INTS11: variants seen among roughly 807,000 people sequenced by gnomAD.
INTS11 encodes integrator complex subunit 11, also known as CPSF3-like protein.
A neutral mutation model predicts 78.6 loss-of-function variants in INTS11; 77 were observed. The observed-to-expected ratio is 0.98, with a 90% confidence interval of 0.81 to 1.18. The LOEUF (loss-of-function observed/expected upper bound fraction) is 1.18, where lower values mean the gene tolerates loss of function less well. Ranked by LOEUF, INTS11 falls within the 50% of genes most tolerant of loss-of-function variation. The pLI, the probability that INTS11 is intolerant of heterozygous loss-of-function variation, is 0.00. For synonymous variants in INTS11, 441 were observed against 326.9 expected, an observed-to-expected ratio of 1.35 and a Z score of -3.77; for missense variants, 875 against 825.9, an observed-to-expected ratio of 1.06 and a Z score of -0.73.
rs759319376 is a variant in INTS11 at position 1,312,012 on chromosome 1, C to G, written c.1737+6G>C. The G allele has an allele frequency of 6.3e-7, 1 of 1,581,576 alleles. No homozygotes were observed. The highest frequency in any genetic ancestry group is 8.6e-7 in the Non-Finnish European group (1 of 1,164,236). On this transcript the variant is annotated splice_donor_region_variant and intron_variant, in intron 16 of 16. Transcript: ENST00000435064. ...TGACCGCGGTGGGGTGGGGGTCACC[C>G]CTTACCTGGTAGGTCCAGGAGACCA... is the stretch of plus-strand genomic sequence containing the variant.
Position 1,314,391 on chromosome 1 carries a change from C to A in INTS11, c.703-26G>T. 1 of 1,591,824 alleles carries A rather than the reference C, an allele frequency of 6.3e-7. No homozygotes were observed. The highest frequency in any genetic ancestry group is 8.6e-7 in the Non-Finnish European group (1 of 1,167,944). ...CTGAGGGGGACACAAGGCAGGAGCC[C>A]TGGGCACATGGCCCCTCGACACAGC... On this transcript the variant is annotated intron_variant, in intron 7 of 16. Coordinates refer to ENST00000435064, the MANE Select transcript of INTS11 (RefSeq NM_017871.6). This position sits in a 1 kb window ranked among gnomAD's most constrained non-coding sequence, Gnocchi z 4.2.
intron 10 of INTS11, 111 bp downstream of exon 10, chr1:1,313,398 G>T: frequency 2.4e-6 from 3 of 1,247,726 alleles, no homozygotes; most frequent in Non-Finnish European, 3.5e-6. Context: ...CAGCAGCCAC[G>T]TCCCTTGGCC....
At chr1:1,312,173 G>C (rs1286106876) in intron 15 of INTS11, 26 bp from the exon 16 acceptor site, 7 of 1,466,630 alleles carry the variant, frequency 4.8e-6, no homozygotes, top group East Asian at 4.7e-5. Context: ...GTGAGACCCT[G>C]CCTGGCCTCC....
At position 1,312,934 on chromosome 1, in the gene INTS11, G is replaced by A. The variant is rs1465619765; in HGVS notation, c.1147C>T (p.Gln383Ter). ...GCGCTGAATGACATGTACTCCACCT[G>A]CATCTTGACCTCCAGCTACAGAGGC... ...EGRQVLEVKM[Q>*]VEYMSFSAHA... The change falls in exon 12 of 17, where the codon CAG (glutamine) becomes TAG (stop). Residue 383 changes from glutamine to a stop codon, truncating the protein, a stop_gained. Transcript: ENST00000435064. LOFTEE classifies it high-confidence loss of function. The A allele has an allele frequency of 1.2e-6, 2 of 1,611,910 alleles. No individual in the cohort carries two copies. Among genetic ancestry groups the A allele is most frequent in the Middle Eastern group, 1.7e-4 (1 of 6,058 alleles).
Position 1,320,468 on chromosome 1 carries a change from C to G in INTS11, c.188G>C (p.Cys63Ser). Residue 63 changes from cysteine (C) to serine (S), a missense_variant, in exon 3 of 17, where the codon TGT becomes TCT. By Grantham distance (112) the Cys-to-Ser change is moderately radical. Coordinates refer to ENST00000435064, the MANE Select transcript of INTS11 (RefSeq NM_017871.6). ...AACAGGAACCCACCTAATGATCACACAGTCCAGGAAGTCTGTTAGGCGGCC... is the reference window on the plus strand; with the variant it reads ...AACAGGAACCCACCTAATGATCACAGAGTCCAGGAAGTCTGTTAGGCGGCC... ...QNGRLTDFLDCVIISHFHLDH... is the reference protein window; with the variant it reads ...QNGRLTDFLDSVIISHFHLDH... The G allele has an allele frequency of 6.2e-7, 1 of 1,613,898 alleles. No individual in the cohort carries two copies. The highest frequency in any genetic ancestry group is 8.5e-7 in the Non-Finnish European group (1 of 1,179,906).
chr1:1,320,166 A>G (rs1642859642), intron 3 of INTS11: 2 of 396,010 alleles, frequency 5.1e-6, no homozygotes, highest in South Asian at 2.8e-5. Context: ...AATCGCCAAC[A>G]AGACAGTGGG....
At chr1:1,319,215 A>C in intron 4 of INTS11, 81 bp downstream of exon 4, 1 of 1,255,218 alleles carries the variant, frequency 8.0e-7, no homozygotes, top group Admixed American at 1.7e-5. Context: ...AGCCTTCCAG[A>C]AACTGTGTAG....
intron 1 of INTS11, among the ~76,000 whole-genome samples, chr1:1,324,377 G>C (rs976528063): frequency 8.5e-5 from 13 of 152,136 alleles, no homozygotes; most frequent in African/African-American, 2.2e-4. Context: ...CTCGGGGCTC[G>C]CGTTCTCGCG....
Position 1,314,872 on chromosome 1 carries a change from C to G in INTS11, c.654G>C (p.Glu218Asp), listed in dbSNP as rs779132215. The change falls in exon 7 of 17, where the codon GAG becomes GAC. Residue 218 changes from glutamate to aspartate, a missense_variant. By Grantham distance (45) the Glu-to-Asp change is conservative (BLOSUM62 2). Transcript: ENST00000435064. This position sits in a 1 kb window ranked among gnomAD's most constrained non-coding sequence, Gnocchi z 4.2. The part of the protein sequence containing the change: ...TTIRDSKRCR[E>D]RDFLKKVHET... Reference sequence around the variant, plus strand: ...CGTGGACTTTCTTCAGGAAGTCTCGCTCCCGGCAGCGCTTGGAGTCACGGA... The same window carrying G: ...CGTGGACTTTCTTCAGGAAGTCTCGGTCCCGGCAGCGCTTGGAGTCACGGA... 6.2e-7 allele frequency: 1 copy of G among 1,613,046 alleles called. No individual in the cohort carries two copies. Among genetic ancestry groups the G allele is most frequent in the Non-Finnish European group, 8.5e-7 (1 of 1,179,920 alleles).
chr1:1,313,458 C>T (rs1355890837), intron 10 of INTS11, 51 bp downstream of exon 10: 4 of 1,596,842 alleles, frequency 2.5e-6, no homozygotes, highest in Admixed American at 1.7e-5. Flanking sequence ...GGTGGAAGGA[C>T]AACCCGTCGG....
intron 4 of INTS11, chr1:1,319,088 C>A: frequency 1.4e-6 from 1 of 733,920 alleles, no homozygotes; most frequent in Non-Finnish European, 2.5e-6. Flanking sequence ...CCTGCACGTG[C>A]TCTCCCGGGT....
At chr1:1,315,484 A>G in intron 5 of INTS11, 36 bp downstream of exon 5, 1 of 1,612,368 alleles carries the variant, frequency 6.2e-7, no homozygotes, top group African/African-American at 1.3e-5. Context: ...CTCCCACCCC[A>G]GCAGCCCCTC....
chr1:1,313,495 C>T lies in INTS11; in HGVS notation c.1041+14G>A, dbSNP rs1330667082. 1 of 1,612,734 alleles carries T rather than the reference C, an allele frequency of 6.2e-7. No individual in the cohort carries two copies. Among genetic ancestry groups the T allele is most frequent in the African/African-American group, 1.3e-5 (1 of 74,946 alleles). On this transcript the variant is annotated intron_variant, in intron 10 of 16. Coordinates refer to ENST00000435064, the MANE Select transcript of INTS11 (RefSeq NM_017871.6). ...CTCCAGCTTCCAGATTCCCACACCT[C>T]ACCATGCCCTCACCATGTTCTTTTC...
At position 1,314,260 on chromosome 1, in the gene INTS11, G is replaced by A. The variant is rs558498490; in HGVS notation, c.767+41C>T. On this transcript the variant is annotated intron_variant, in intron 8 of 16. Transcript: ENST00000435064. This position sits in a 1 kb window ranked among gnomAD's most constrained non-coding sequence, Gnocchi z 4.2. ...CCACCAACTGGACTGTGTTCAGGCC[G>A]GGCCAGGGGCTCCTTAAAGAGCCGT... is the stretch of plus-strand genomic sequence containing the variant. 6.7e-5 allele frequency: 103 copies of A among 1,538,972 alleles called. No individual in the cohort carries two copies. The highest frequency in any genetic ancestry group is 1.7e-4 in the Middle Eastern group (1 of 5,994).
chr1:1,319,464 G>A lies in INTS11; in HGVS notation c.261C>T (p.Asp87=), dbSNP rs201204294. Residue 87 remains aspartate (D), a synonymous_variant, in exon 4 of 17, where the codon GAC becomes GAT. Transcript: ENST00000435064. ...TGGGGTGAGTCATGTAGATGGGCCC[G>A]TCGTAGCCCACCATCTCGCTGAAGT... ...LPYFSEMVGY[D]GPIYMTHPTQ... is the part of the protein sequence containing the mutation. The A allele has an allele frequency of 2.1e-5, 33 of 1,609,192 alleles. No homozygotes were observed. Among genetic ancestry groups the A allele is most frequent in the South Asian group, 4.4e-5 (4 of 90,900 alleles).
intron 1 of INTS11, 34 bp from the exon 2 acceptor site, chr1:1,321,127 G>GCC: frequency 6.6e-7 from 1 of 1,520,978 alleles, no homozygotes; most frequent in Non-Finnish European, 9.0e-7. Context: ...TCACTGCTGC[G>GCC]CCCCCCGCCC....
In INTS11 at chr1:1,319,401, G is replaced by A. The variant is rs777095043; in HGVS notation, c.324C>T (p.Arg108=). Residue 108 remains arginine, a synonymous_variant, in exon 4 of 17, where the codon CGC becomes CGT. Coordinates refer to ENST00000435064, the MANE Select transcript of INTS11 (RefSeq NM_017871.6). ...AICPILLEDY[R]KIAVDKKGEA... is the part of the protein sequence containing the mutation. ...CGCCCTTCTTGTCTACGGCGATCTT[G>A]CGGTAGTCCTCCAGCAAGATGGGGC... 2 of 1,613,408 alleles carry A rather than the reference G, an allele frequency of 1.2e-6. No homozygotes were observed. Among genetic ancestry groups the A allele is most frequent in the African/African-American group, 1.3e-5 (1 of 75,080 alleles).
chr1:1,311,629 T>C lies in INTS11; in HGVS notation c.*230A>G. 2.8e-6 allele frequency: 2 copies of C among 709,200 alleles called. No homozygotes were observed. Among genetic ancestry groups the C allele is most frequent in the Non-Finnish European group, 5.1e-6 (2 of 392,400 alleles). 43.9% of individuals were successfully genotyped at this position (709,200 alleles called of 1,614,324 possible). On this transcript the variant is annotated 3_prime_UTR_variant, in exon 17 of 17. Transcript: ENST00000435064. ...TTGTTCAGCTTTTACTGGAAACTGC[T>C]GTCTAGGACCACCTGCCCTAACCAG...
intron 4 of INTS11, chr1:1,319,015 C>G (rs1642783652): frequency 1.4e-6 from 1 of 717,266 alleles, no homozygotes; most frequent in South Asian, 1.5e-5. Flanking sequence ...CTGTCCCACT[C>G]TGGCCATTTC....
Sources: allele counts gnomAD v4.1 joint callset (sites outside exome capture counted in the v4.1 genomes callset), GRCh38; gene constraint gnomAD v4.1.1; non-coding constraint Gnocchi (gnomAD v3.1); transcripts MANE v1.5; gene names NCBI Gene and HGNC (gene_info 2026-07-23, HGNC 2026-07-21).